PDYN: variants seen among roughly 807,000 people sequenced by gnomAD.
The protein encoded by PDYN is prodynorphin, also known as proenkephalin-B.
PDYN carries 5 observed loss-of-function variants against 11.4 expected under a neutral mutation model. The ratio of observed to expected loss-of-function variants is 0.44; its 90% CI spans 0.23 to 0.92. The LOEUF (loss-of-function observed/expected upper bound fraction) is 0.92, where lower values mean the gene tolerates loss of function less well. Ranked by LOEUF, PDYN falls within the 40% of genes least tolerant of loss-of-function variation. PDYN has a pLI of 0.24. For synonymous variants in PDYN, 132 were observed against 129.5 expected (o/e 1.02, Z -0.13); for missense variants, 337 against 317.3 (o/e 1.06, Z -0.47).
rs541446648 is a variant in PDYN at position 1,993,428 on chromosome 20, G to A, written c.-80+483C>T. On this transcript the variant is annotated intron_variant, in intron 1 of 3. Coordinates refer to ENST00000217305, the MANE Select transcript of PDYN (RefSeq NM_024411.5). ...AAGAATGAAAAGGCCGAACCTGGCC[G>A]TACATTGATGTACATGTTATGTGAT... Among the ~76,000 whole-genome samples, 23 of 152,310 alleles carry A rather than the reference G, an allele frequency of 1.5e-4. No individual in the cohort carries two copies. In the East Asian group the frequency reaches 1.7e-3, roughly 11 times the overall value.
intron 2 of PDYN, among the ~76,000 whole-genome samples, chr20:1,985,797 C>T (rs192049467): frequency 3.3e-5 from 5 of 152,232 alleles, no homozygotes; most frequent in African/African-American, 7.2e-5. Context: ...CTGTCAGCTG[C>T]GGAGTGGATT....
At position 1,978,850 on chromosome 20, in the gene PDYN, T is replaced by C; in HGVS notation, c.*1473A>G. The C allele has an allele frequency of 6.6e-6, 1 of 152,210 alleles. No individual in the cohort carries two copies. Among genetic ancestry groups the C allele is most frequent in the South Asian group, 2.1e-4 (1 of 4,834 alleles). The allele number at this position is 152,210 out of a possible 1,614,324, so 9.4% of individuals were successfully genotyped here. A position where few individuals can be genotyped will look rare whatever the true frequency, so the allele number is the denominator to read the frequency against. ...GCAAATTCCAAGTAAATTGCATAAA[T>C]GGGATTTTTTTAAAGGACACAAAAT... On this transcript the variant is annotated 3_prime_UTR_variant, in exon 4 of 4. Transcript: ENST00000217305.
At chr20:1,990,896 G>C (rs1172299616) in intron 2 of PDYN, among the ~76,000 whole-genome samples, 1 of 151,278 alleles carries the variant, frequency 6.6e-6, no homozygotes, top group Non-Finnish European at 1.5e-5. Context: ...TGCACACACA[G>C]AAAAAGAGAC....
intron 2 of PDYN, among the ~76,000 whole-genome samples, chr20:1,990,628 C>T (rs957779023): frequency 2.6e-5 from 4 of 152,100 alleles, no homozygotes; most frequent in African/African-American, 7.2e-5. Context: ...GAGGGAAAGA[C>T]GGCCTTGCAG....
In PDYN at chr20:1,983,086, C is replaced by T. The variant is rs1761548319; in HGVS notation, c.-2G>A. 6.2e-7 allele frequency: 1 copy of T among 1,613,222 alleles called. No homozygotes were observed. Among genetic ancestry groups the T allele is most frequent in the African/African-American group, 1.3e-5 (1 of 74,900 alleles). ...CAGGACCAGCCCCTGCCAGGCCATC[C>T]TGTCTCAGCAATTCCTGCTGGGGAG... On this transcript the variant is annotated 5_prime_UTR_variant, in exon 3 of 4. Coordinates refer to ENST00000217305, the MANE Select transcript of PDYN (RefSeq NM_024411.5).
intron 2 of PDYN, among the ~76,000 whole-genome samples, chr20:1,988,922 C>T (rs1034670075): frequency 7.9e-5 from 12 of 152,158 alleles, no homozygotes; most frequent in African/African-American, 2.9e-4. Context: ...TTGGCTAATA[C>T]GACACCCATG....
chr20:1,980,024 A>T lies in PDYN; in HGVS notation c.*299T>A. 2 of 466,826 alleles carry T rather than the reference A, an allele frequency of 4.3e-6. No individual in the cohort carries two copies. Among genetic ancestry groups the T allele is most frequent in the Non-Finnish European group, 7.9e-6 (2 of 253,046 alleles). The allele number at this position is 466,826 out of a possible 1,614,324, so 28.9% of individuals were successfully genotyped here. A position where few individuals can be genotyped will look rare whatever the true frequency, so the allele number is the denominator to read the frequency against. ...TGAGGAGTCACGTGAACAGGTTGGA[A>T]GGACAGATCACAAACTGCTGCTGCT... On this transcript the variant is annotated 3_prime_UTR_variant, in exon 4 of 4. Transcript: ENST00000217305.
chr20:1,986,155 T>G (rs1440386853), intron 2 of PDYN, among the ~76,000 whole-genome samples: 1 of 152,240 alleles, frequency 6.6e-6, no homozygotes, highest in East Asian at 1.9e-4. Flanking sequence ...TCACAGAAAC[T>G]CTACAGCACT....
Position 1,983,031 on chromosome 20 carries a change from G to A in PDYN, c.54C>T (p.Thr18=). 1 of 1,614,012 alleles carries A rather than the reference G, an allele frequency of 6.2e-7. No individual in the cohort carries two copies. The highest frequency in any genetic ancestry group is 8.5e-7 in the Non-Finnish European group (1 of 1,179,950). Residue 18 remains threonine (T), a synonymous_variant, in exon 3 of 4, where the codon ACC becomes ACT. Transcript: ENST00000217305. ...LAACLLMFPS[T]TADCLSRCSL... is the part of the protein sequence containing the mutation. ...AGCACCGCGACAGGCAGTCCGCTGT[G>A]GTGGAGGGGAACATGAGGAGGCAGG...
chr20:1,979,757 C>G lies in PDYN; in HGVS notation c.*566G>C, dbSNP rs960030988. ...ATAAGGCAATGTTTAAGCTTTTTAC[C>G]TAAAGCATCGTCTCCAAAGTCAGGT... On this transcript the variant is annotated 3_prime_UTR_variant, in exon 4 of 4. Transcript: ENST00000217305. 2.4e-5 allele frequency: 4 copies of G among 166,224 alleles called. No homozygotes were observed. The highest frequency in any genetic ancestry group is 1.1e-4 in the Admixed American group (2 of 18,260). 10.3% of individuals were successfully genotyped at this position (166,224 alleles called of 1,614,324 possible). A position where few individuals can be genotyped will look rare whatever the true frequency, so the allele number is the denominator to read the frequency against.
At chr20:1,989,075 G>A (rs1369301646) in intron 2 of PDYN, among the ~76,000 whole-genome samples, 4 of 152,188 alleles carry the variant, frequency 2.6e-5, no homozygotes, top group Admixed American at 2.0e-4. Flanking sequence ...ACCGTACTTT[G>A]ACTGGTTTTA....
intron 2 of PDYN, 64 bp from the exon 3 acceptor site, chr20:1,983,167 G>C (rs1987943428): frequency 1.2e-5 from 17 of 1,409,122 alleles, no homozygotes; most frequent in Non-Finnish European, 1.7e-5. Context: ...TGTGTTCTGA[G>C]CCCACAAAGT....
intron 2 of PDYN, among the ~76,000 whole-genome samples, chr20:1,984,224 G>A (rs1988027925): frequency 6.6e-6 from 1 of 152,166 alleles, no homozygotes; most frequent in Admixed American, 6.5e-5. Context: ...TGCACTTTCT[G>A]TTCTTCTGCC....
intron 2 of PDYN, among the ~76,000 whole-genome samples, chr20:1,989,990 A>G (rs1988364430): frequency 6.6e-6 from 1 of 152,210 alleles, no homozygotes; most frequent in Non-Finnish European, 1.5e-5. Flanking sequence ...GGATCAAGTG[A>G]CAAAGTGCCT....
At chr20:1,984,805 A>C (rs1445155876) in intron 2 of PDYN, among the ~76,000 whole-genome samples, 1 of 152,108 alleles carries the variant, frequency 6.6e-6, no homozygotes, top group Non-Finnish European at 1.5e-5. Flanking sequence ...AAGCTGAGGC[A>C]GGAGAATCAT....
chr20:1,986,295 C>T (rs1305301983), intron 2 of PDYN, among the ~76,000 whole-genome samples: 3 of 152,200 alleles, frequency 2.0e-5, no homozygotes, highest in African/African-American at 4.8e-5. Context: ...GAGCTACCTT[C>T]GTAACTGCTG....
In PDYN at chr20:1,980,520, C is replaced by A. The variant is rs2122307518; in HGVS notation, c.568G>T (p.Ala190Ser). 1 of 1,612,850 alleles carries A rather than the reference C, an allele frequency of 6.2e-7. No individual in the cohort carries two copies. The highest frequency in any genetic ancestry group is 1.7e-5 in the Admixed American group (1 of 59,914). Reference sequence around the variant, plus strand: ...ATGCTATCCCCGTCCCCCTCCCCAGCCACCTCTGAGCTCCTCTTGGGGTAT... The same window carrying A: ...ATGCTATCCCCGTCCCCCTCCCCAGACACCTCTGAGCTCCTCTTGGGGTAT... ...RKYPKRSSEVAGEGDGDSMGH... is the reference protein window; with the variant it reads ...RKYPKRSSEVSGEGDGDSMGH... Residue 190 changes from alanine (A) to serine (S), a missense_variant, in exon 4 of 4, where the codon GCT (alanine) becomes TCT (serine). Transcript: ENST00000217305.
Position 1,981,055 on chromosome 20 carries a change from T to A in PDYN, c.130-97A>T, listed in dbSNP as rs547037872. 1.9e-3 allele frequency: 2,523 copies of A among 1,325,596 alleles called. 3 individuals carry two copies. Among genetic ancestry groups the A allele is most frequent in the Non-Finnish European group, 2.5e-3 (2,307 of 935,296 alleles). 82.1% of individuals were successfully genotyped at this position (1,325,596 alleles called of 1,614,324 possible). On this transcript the variant is annotated intron_variant, in intron 3 of 3. Coordinates refer to ENST00000217305, the MANE Select transcript of PDYN (RefSeq NM_024411.5). ...TGTCCAGTGTCTGAGAAAACCAAAA[T>A]GAACGCCACTGCTAAGCCCTGGGCT...
chr20:1,981,494 T>C (rs1416887596), intron 3 of PDYN, among the ~76,000 whole-genome samples: 1 of 152,060 alleles, frequency 6.6e-6, no homozygotes, highest in Non-Finnish European at 1.5e-5. Context: ...ACGATGACAA[T>C]AGCAAAGAAT....
Sources: allele counts gnomAD v4.1 joint callset (sites outside exome capture counted in the v4.1 genomes callset), GRCh38; gene constraint gnomAD v4.1.1; transcripts MANE v1.5; gene names NCBI Gene and HGNC (gene_info 2026-07-23, HGNC 2026-07-21).